The following CDH13 variants were observed in gnomAD, a reference collection of about 807,000 sequenced individuals.
The protein encoded by CDH13 is cadherin-13.
Under a neutral mutation model 63.8 loss-of-function variants are expected in CDH13, and 24 were observed. The observed-to-expected ratio is 0.38, with a 90% CI of 0.27 to 0.53. The LOEUF is 0.53. Among genes scored for constraint, CDH13 ranks in the 20% least tolerant of loss-of-function variants. CDH13 has a pLI of 0.85. For missense variants in CDH13, 1,049 were observed against 903.1 expected, an observed-to-expected ratio of 1.16 and a Z score of -2.07; for synonymous variants, 503 against 355.3, an observed-to-expected ratio of 1.42 and a Z score of -4.67.
At chr16:82,975,069 C>T (rs1202589115) in intron 2 of CDH13, among the ~76,000 whole-genome samples, 1 of 152,188 alleles carries the variant, frequency 6.6e-6, no homozygotes, top group Non-Finnish European at 1.5e-5. Context: ...TGGCCCAACT[C>T]GTCTTTCTGA....
At chr16:82,844,812 AT>A (rs1341108911) in intron 1 of CDH13, 4 of 26,190 alleles carry the variant, frequency 1.5e-4, no homozygotes, top group African/African-American at 2.2e-4. Context: ...GCTAATTTTT[AT>A]TTTTATTTTT....
At chr16:83,066,462 C>T (rs1442377203) in intron 3 of CDH13, among the ~76,000 whole-genome samples, 1 of 152,138 alleles carries the variant, frequency 6.6e-6, no homozygotes, top group African/African-American at 2.4e-5. Flanking sequence ...TGACCGAGGA[C>T]CTCCTGAAGT....
intron 11 of CDH13, among the ~76,000 whole-genome samples, chr16:83,769,254 A>G (rs867829758): frequency 1.3e-5 from 2 of 152,084 alleles, no homozygotes; most frequent in Non-Finnish European, 2.9e-5. Flanking sequence ...AAAACATCTT[A>G]AGTGTCTATA....
At chr16:82,866,202 G>C (rs549820418) in intron 2 of CDH13, among the ~76,000 whole-genome samples, 1 of 151,988 alleles carries the variant, frequency 6.6e-6, no homozygotes. Flanking sequence ...TCTCTGGGAA[G>C]TTCCAAACTT....
rs1466161282 is a variant in CDH13 at position 83,761,418 on chromosome 16, T to C, written c.1681+13168T>C. ...CTGAGTTTAGTTGAGCAAAGAACAA[T>C]TGGTGAATTGGGCAACCTCTCAAGC... On this transcript the variant is annotated intron_variant, in intron 11 of 13. Transcript: ENST00000567109. 2.6e-5 allele frequency among the ~76,000 whole-genome samples: 4 copies of C among 152,156 alleles called. No homozygotes were observed. In the South Asian group the frequency reaches 6.2e-4, roughly 24 times the overall value.
chr16:83,401,845 C>T (rs2091972623), intron 6 of CDH13, among the ~76,000 whole-genome samples: 1 of 152,118 alleles, frequency 6.6e-6, no homozygotes, highest in Non-Finnish European at 1.5e-5. Flanking sequence ...TTCTCTGAGC[C>T]AAGAACCTAG....
intron 5 of CDH13, among the ~76,000 whole-genome samples, chr16:83,340,275 G>T (rs1400989378): frequency 1.3e-5 from 2 of 150,954 alleles, no homozygotes; most frequent in East Asian, 3.9e-4. Flanking sequence ...CTATGTCTGT[G>T]GTACATGTAC....
intron 5 of CDH13, among the ~76,000 whole-genome samples, chr16:83,222,209 C>G (rs768188953): frequency 6.6e-5 from 10 of 152,202 alleles, no homozygotes; most frequent in Non-Finnish European, 1.2e-4. Context: ...ACATTTCATA[C>G]TATATAACTT....
intron 1 of CDH13, among the ~76,000 whole-genome samples, chr16:82,725,147 T>C (rs1049897045): frequency 2.0e-5 from 3 of 152,166 alleles, no homozygotes; most frequent in African/African-American, 7.2e-5. Context: ...GTGATGGTGA[T>C]GATGACAGTT....
At chr16:83,403,492 G>A (rs1230067602) in intron 6 of CDH13, among the ~76,000 whole-genome samples, 5 of 152,164 alleles carry the variant, frequency 3.3e-5, no homozygotes, top group South Asian at 2.1e-4. Context: ...GTGTGGTCGC[G>A]CGCGCCTGTA....
intron 8 of CDH13, among the ~76,000 whole-genome samples, chr16:83,613,720 C>A (rs992477979): frequency 5.3e-5 from 8 of 152,094 alleles, no homozygotes; most frequent in South Asian, 4.1e-4. Context: ...GTAGTCTCAG[C>A]TGCCTTGGAG....
chr16:82,833,871 C>G (rs1000231989), intron 1 of CDH13, among the ~76,000 whole-genome samples: 1 of 152,108 alleles, frequency 6.6e-6, no homozygotes, highest in Non-Finnish European at 1.5e-5. Context: ...GTGAAAAGAT[C>G]GACATGTGAG....
chr16:83,600,730 G>A (rs1907708085), intron 7 of CDH13, among the ~76,000 whole-genome samples: 1 of 152,148 alleles, frequency 6.6e-6, no homozygotes, highest in Admixed American at 6.5e-5. Flanking sequence ...CTCTCTGTGT[G>A]ATGATTAAGA....
chr16:83,505,703 C>T (rs1341607904), intron 7 of CDH13, among the ~76,000 whole-genome samples: 3 of 151,776 alleles, frequency 2.0e-5, no homozygotes, highest in African/African-American at 7.3e-5. Flanking sequence ...GCCTCCACGC[C>T]CGGCTAATTT....
At chr16:82,984,275 C>A (rs1054251686) in intron 2 of CDH13, among the ~76,000 whole-genome samples, 1 of 152,198 alleles carries the variant, frequency 6.6e-6, no homozygotes, top group Admixed American at 6.5e-5. Context: ...ATTCCCGGAA[C>A]CACCCCAGAC....
intron 5 of CDH13, among the ~76,000 whole-genome samples, chr16:83,320,401 A>T (rs371999673): frequency 2.3e-4 from 35 of 152,258 alleles, no homozygotes; most frequent in African/African-American, 7.2e-4. Context: ...CCCAAGACCA[A>T]TCTAGGAAAA....
chr16:83,018,731 C>T (rs560326054), intron 2 of CDH13, among the ~76,000 whole-genome samples: 1 of 152,332 alleles, frequency 6.6e-6, no homozygotes, highest in South Asian at 2.1e-4. Flanking sequence ...CTATTACACA[C>T]CTAGGTGATC....
intron 7 of CDH13, among the ~76,000 whole-genome samples, chr16:83,551,149 T>C (rs2075486443): frequency 6.6e-6 from 1 of 152,002 alleles, no homozygotes; most frequent in Non-Finnish European, 1.5e-5. Flanking sequence ...TGGCATGATC[T>C]CAGCTCCCTG....
intron 2 of CDH13, among the ~76,000 whole-genome samples, chr16:82,938,084 C>A (rs1322287072): frequency 6.6e-6 from 1 of 152,098 alleles, no homozygotes; most frequent in Non-Finnish European, 1.5e-5. Flanking sequence ...CAACAACACG[C>A]CAAAAAACGG....
Sources: allele counts gnomAD v4.1 joint callset (sites outside exome capture counted in the v4.1 genomes callset), GRCh38; gene constraint gnomAD v4.1.1; transcripts MANE v1.5; gene names NCBI Gene and HGNC (gene_info 2026-07-23, HGNC 2026-07-21).